The following GPC5 variants were observed in gnomAD, a reference collection of about 807,000 sequenced individuals.
GPC5 encodes the protein glypican-5.
A neutral mutation model predicts 53.9 loss-of-function variants in GPC5; 47 were observed. That is an observed-to-expected ratio of 0.87 (90% CI 0.69 to 1.11). The LOEUF (loss-of-function observed/expected upper bound fraction) is 1.11. Among genes scored for constraint, GPC5 ranks in the 50% most tolerant of loss-of-function variants. GPC5 has a pLI of 0.00. For synonymous variants in GPC5, 286 were observed against 263.3 expected, an observed-to-expected ratio of 1.09 and a Z score of -0.84; for missense variants, 748 against 713.1, an observed-to-expected ratio of 1.05 and a Z score of -0.56.
chr13:91,641,257 G>A (rs1324949753), intron 2 of GPC5, among the ~76,000 whole-genome samples: 1 of 152,214 alleles, frequency 6.6e-6, no homozygotes, highest in East Asian at 1.9e-4. Context: ...GAACCCAGGA[G>A]GCGGAGCTTG....
rs555309820 is a variant in GPC5 at position 91,761,724 on chromosome 13, C to T, written c.1280+5304C>T. ...GAGCTTCCGTGTCCTCTCTGGGCAG[C>T]TGCCCTCTAGGAACTTCTTTGTGTT... is the stretch of plus-strand genomic sequence containing the variant. On this transcript the variant is annotated intron_variant, in intron 5 of 7. Transcript: ENST00000377067. Among the ~76,000 whole-genome samples the T allele has an allele frequency of 8.5e-4, 129 of 152,292 alleles. 5 individuals are homozygous for T. The South Asian group carries it at 0.026, about 31-fold the overall frequency.
rs141913669 is a variant in GPC5 at position 91,417,389 on chromosome 13, T to A, written c.163+18180T>A. 3.0e-3 allele frequency among the ~76,000 whole-genome samples: 461 copies of A among 152,242 alleles called. 16 individuals carry two copies. The South Asian group carries it at 0.08, about 26-fold the overall frequency. ...CAGAACTGAGAGATGGAACTCGAGA[T>A]AACACAAATACAGTAGCCCCTGCTG... On this transcript the variant is annotated intron_variant, in intron 1 of 7. Transcript: ENST00000377067.
intron 2 of GPC5, among the ~76,000 whole-genome samples, chr13:91,567,415 G>A (rs2031583380): frequency 6.6e-6 from 1 of 152,126 alleles, no homozygotes; most frequent in Non-Finnish European, 1.5e-5. Flanking sequence ...ACTAAAAAAA[G>A]GGGGATTAAC....
At chr13:92,348,652 T>C (rs1287987242) in intron 7 of GPC5, among the ~76,000 whole-genome samples, 1 of 152,134 alleles carries the variant, frequency 6.6e-6, no homozygotes, top group Non-Finnish European at 1.5e-5. Context: ...ACAGAGAACA[T>C]TCTCCAGGGT....
intron 7 of GPC5, among the ~76,000 whole-genome samples, chr13:92,463,854 A>G (rs776770456): frequency 9.9e-5 from 15 of 152,116 alleles, no homozygotes; most frequent in Non-Finnish European, 1.2e-4. Context: ...TTAAGATACA[A>G]TTTTAGATTA....
intron 6 of GPC5, among the ~76,000 whole-genome samples, chr13:92,121,537 T>C (rs1170453494): frequency 1.3e-5 from 2 of 152,202 alleles, no homozygotes; most frequent in Non-Finnish European, 2.9e-5. Flanking sequence ...GGGAGAAGTA[T>C]GTGGAAGACT....
chr13:92,373,169 G>C (rs907706366), intron 7 of GPC5, among the ~76,000 whole-genome samples: 1 of 152,056 alleles, frequency 6.6e-6, no homozygotes, highest in East Asian at 1.9e-4. Context: ...CAAAGCACAG[G>C]TGTCAACACA....
At chr13:91,432,003 T>C (rs1206185417) in intron 1 of GPC5, among the ~76,000 whole-genome samples, 1 of 152,200 alleles carries the variant, frequency 6.6e-6, no homozygotes, top group Non-Finnish European at 1.5e-5. Context: ...TCAGCCCGGA[T>C]TGCAGGAGCT....
Position 91,571,901 on chromosome 13 carries a change from A to G in GPC5, c.326-121286A>G. ...CACACATATACGTGTGTATATACAC[A>G]TATTGTATATATACACATATTGTAT... On this transcript the variant is annotated intron_variant, in intron 2 of 7. Transcript: ENST00000377067. Among the ~76,000 whole-genome samples, 3 of 69,792 alleles carry G rather than the reference A, an allele frequency of 4.3e-5. 1 individual carries two copies. In the South Asian group the frequency reaches 1.5e-3, roughly 35 times the overall value. The allele number at this position is 69,792 out of a possible 152,430, so 45.8% of individuals were successfully genotyped here. A position where few individuals can be genotyped will look rare whatever the true frequency, so the allele number is the denominator to read the frequency against.
intron 6 of GPC5, among the ~76,000 whole-genome samples, chr13:92,082,998 T>G (rs961200823): frequency 2.0e-5 from 3 of 152,174 alleles, no homozygotes; most frequent in African/African-American, 4.8e-5. Context: ...AAGAAATAAG[T>G]GAACAGAGCT....
At chr13:92,282,898 A>G (rs182822305) in intron 7 of GPC5, among the ~76,000 whole-genome samples, 381 of 152,306 alleles carry the variant, frequency 2.5e-3, no homozygotes, top group Non-Finnish European at 4.3e-3. Context: ...AACAATATTA[A>G]CCTCAAATGT....
At chr13:91,768,727 TA>T (rs1207173729) in intron 5 of GPC5, among the ~76,000 whole-genome samples, 6 of 152,140 alleles carry the variant, frequency 3.9e-5, no homozygotes, top group African/African-American at 1.2e-4. Context: ...TGGTACCAAA[TA>T]AAAATATCAT....
chr13:92,070,913 G>T (rs115738853), intron 6 of GPC5, among the ~76,000 whole-genome samples: 1 of 151,794 alleles, frequency 6.6e-6, no homozygotes, highest in Admixed American at 6.6e-5. Flanking sequence ...TTATTTTATT[G>T]TGAAACACAT....
chr13:91,978,793 G>A (rs1488649585), intron 6 of GPC5, among the ~76,000 whole-genome samples: 1 of 152,176 alleles, frequency 6.6e-6, no homozygotes, highest in Admixed American at 6.5e-5. Flanking sequence ...TGTGGAAAAT[G>A]GGTAATATGA....
At chr13:91,637,967 T>C (rs1353517409) in intron 2 of GPC5, among the ~76,000 whole-genome samples, 1 of 152,198 alleles carries the variant, frequency 6.6e-6, no homozygotes, top group Non-Finnish European at 1.5e-5. Flanking sequence ...TTATACTTGA[T>C]AGAAAGGAAT....
intron 7 of GPC5, among the ~76,000 whole-genome samples, chr13:92,620,850 C>A (rs1183810286): frequency 6.6e-6 from 1 of 152,204 alleles, no homozygotes; most frequent in East Asian, 1.9e-4. Context: ...TATCTTTAAA[C>A]AGGTCTGTGG....
chr13:92,735,302 T>A (rs1888908310), intron 7 of GPC5, among the ~76,000 whole-genome samples: 1 of 151,980 alleles, frequency 6.6e-6, no homozygotes, highest in Non-Finnish European at 1.5e-5. Context: ...CACCAAATAA[T>A]GCATAACTGA....
At chr13:92,374,839 A>G (rs1322173066) in intron 7 of GPC5, among the ~76,000 whole-genome samples, 1 of 145,458 alleles carries the variant, frequency 6.9e-6, no homozygotes, top group Non-Finnish European at 1.5e-5. Flanking sequence ...TGTACCCTAA[A>G]ACTTAAAGTA....
chr13:92,763,344 C>T (rs1010826046), intron 7 of GPC5, among the ~76,000 whole-genome samples: 1 of 149,474 alleles, frequency 6.7e-6, no homozygotes, highest in Non-Finnish European at 1.5e-5. Context: ...TGAAGGGGTA[C>T]AGCTTCCATT....
Sources: gnomAD v4.1 joint callset for allele counts (sites outside exome capture counted in the v4.1 genomes callset) on GRCh38, gnomAD v4.1.1 for gene constraint, MANE v1.5 for transcripts, NCBI Gene and HGNC (gene_info 2026-07-23, HGNC 2026-07-21) for gene names.